The following BANK1 variants were observed in gnomAD, a reference collection of about 807,000 sequenced individuals.
BANK1 encodes the protein B-cell scaffold protein with ankyrin repeats.
A neutral mutation model predicts 94.5 loss-of-function variants in BANK1; 95 were observed. That is an observed-to-expected ratio of 1.00 (90% CI 0.85 to 1.19). The LOEUF (loss-of-function observed/expected upper bound fraction) is 1.19, where lower values mean the gene tolerates loss of function less well. Ranked by LOEUF, BANK1 falls within the 50% of genes most tolerant of loss-of-function variation. The pLI is 0.00. For missense variants in BANK1, 987 were observed against 932.2 expected (o/e 1.06, Z -0.77); for synonymous variants, 334 against 308.4 (o/e 1.08, Z -0.87).
intron 2 of BANK1, among the ~76,000 whole-genome samples, chr4:101,840,189 C>T (rs906821096): frequency 9.3e-5 from 14 of 150,614 alleles, no homozygotes; most frequent in Non-Finnish European, 1.9e-4. Flanking sequence ...GGGATGGTCT[C>T]GATCTCCTGA....
Position 101,855,155 on chromosome 4 carries a change from T to G in BANK1, c.590T>G (p.Leu197Arg). Reference protein sequence around the residue: ...LSEASRNTIPLAVVLPTEIPC... With the variant: ...LSEASRNTIPRAVVLPTEIPC... ...GAAGCTTCAAGAAACACCATACCAC[T>G]AGCAGTGGTGCTTCCCACTGAAATT... Residue 197 changes from leucine (L) to arginine (R), a missense_variant, in exon 3 of 17, where the codon CTA becomes CGA. Physicochemically the swap from Leu to Arg is moderately radical, Grantham distance 102. Transcript: ENST00000322953. The G allele has an allele frequency of 3.7e-6, 6 of 1,613,352 alleles. No individual in the cohort carries two copies. Among genetic ancestry groups the G allele is most frequent in the Non-Finnish European group, 8.5e-7 (1 of 1,179,506 alleles).
At chr4:101,829,148 C>T (rs1388652742) in intron 1 of BANK1, among the ~76,000 whole-genome samples, 5 of 152,136 alleles carry the variant, frequency 3.3e-5, no homozygotes, top group African/African-American at 1.2e-4. Context: ...AGGTGTGAGC[C>T]ACCGCGCCGG....
chr4:102,069,755 T>C (rs1728697987), intron 13 of BANK1, among the ~76,000 whole-genome samples: 1 of 152,206 alleles, frequency 6.6e-6, no homozygotes, highest in African/African-American at 2.4e-5. Context: ...CTGTGATATA[T>C]TTATACTATG....
intron 3 of BANK1, 43 bp downstream of exon 3, chr4:101,855,232 A>ATGGTGGTGG (rs755573259): frequency 6.4e-7 from 1 of 1,565,740 alleles, no homozygotes; most frequent in Non-Finnish European, 8.7e-7. Flanking sequence ...CCATTGTGTT[A>ATGGTGGTGG]TGGTGGTGGT....
At chr4:101,795,604 G>A (rs1266029812) in intron 1 of BANK1, among the ~76,000 whole-genome samples, 1 of 152,086 alleles carries the variant, frequency 6.6e-6, no homozygotes, top group Non-Finnish European at 1.5e-5. Context: ...TGGGAGAGGA[G>A]TGTGTTTTTA....
At chr4:101,871,940 A>C (rs765566342) in intron 5 of BANK1, among the ~76,000 whole-genome samples, 86 of 152,170 alleles carry the variant, frequency 5.7e-4, no homozygotes, top group Non-Finnish European at 1.1e-3. Flanking sequence ...TAAATACACA[A>C]GTCATGATTT....
At chr4:101,852,499 T>TAC (rs1727524472) in intron 2 of BANK1, among the ~76,000 whole-genome samples, 1 of 113,410 alleles carries the variant, frequency 8.8e-6, no homozygotes, top group African/African-American at 3.4e-5. Flanking sequence ...TATATATATA[T>TAC]ATATACACAC....
At chr4:101,886,163 C>T (rs1179191586) in intron 5 of BANK1, among the ~76,000 whole-genome samples, 2 of 152,184 alleles carry the variant, frequency 1.3e-5, no homozygotes, top group Non-Finnish European at 2.9e-5. Context: ...AGACACATGG[C>T]TGCTCAATAA....
At chr4:102,033,614 T>C (rs934194717) in intron 10 of BANK1, among the ~76,000 whole-genome samples, 1 of 152,230 alleles carries the variant, frequency 6.6e-6, no homozygotes, top group Non-Finnish European at 1.5e-5. Context: ...CAGTTTCTAA[T>C]AAATTTTAAA....
chr4:101,881,064 G>A (rs957050211), intron 5 of BANK1, among the ~76,000 whole-genome samples: 23 of 151,816 alleles, frequency 1.5e-4, no homozygotes, highest in African/African-American at 4.6e-4. Context: ...AAGCAAAAAC[G>A]GACAAATATG....
At chr4:101,951,600 C>T (rs1347275980) in intron 7 of BANK1, among the ~76,000 whole-genome samples, 1 of 151,958 alleles carries the variant, frequency 6.6e-6, no homozygotes, top group Non-Finnish European at 1.5e-5. Flanking sequence ...GTAAGAAAAA[C>T]AAATCCTTAG....
chr4:101,843,733 G>A (rs1358990682), intron 2 of BANK1, among the ~76,000 whole-genome samples: 1 of 152,052 alleles, frequency 6.6e-6, no homozygotes, highest in Non-Finnish European at 1.5e-5. Flanking sequence ...TGGCCAACAA[G>A]GTGAAACCCC....
intron 7 of BANK1, among the ~76,000 whole-genome samples, chr4:101,994,996 C>T (rs780337992): frequency 1.4e-4 from 22 of 152,112 alleles, no homozygotes; most frequent in Non-Finnish European, 2.4e-4. Flanking sequence ...ATGTGCAGAA[C>T]GTGCCAGTTT....
chr4:101,954,513 C>T (rs1724274948), intron 7 of BANK1, among the ~76,000 whole-genome samples: 2 of 151,956 alleles, frequency 1.3e-5, no homozygotes, highest in South Asian at 2.1e-4. Context: ...CCCATGGTAC[C>T]AGAACTCTCT....
rs1433843909 is a variant in BANK1 at position 102,074,737 on chromosome 4, C to A, written c.*738C>A. The stretch of plus-strand genomic sequence containing the variant: ...CCACAAATAAATTGAATGTTTAAAG[C>A]TATGTCTGAGTTTTTAAAGTAAATT... On this transcript the variant is annotated 3_prime_UTR_variant, in exon 17 of 17. Transcript: ENST00000322953. 6.7e-6 allele frequency: 1 copy of A among 148,766 alleles called. No individual in the cohort carries two copies. The highest frequency in any genetic ancestry group is 1.5e-5 in the Non-Finnish European group (1 of 66,676). The allele number at this position is 148,766 out of a possible 1,614,324, so 9.2% of individuals were successfully genotyped here.
chr4:102,021,682 A>G, intron 8 of BANK1, 90 bp downstream of exon 8: 4 of 494,392 alleles, frequency 8.1e-6, no homozygotes, highest in Non-Finnish European at 1.3e-5. Context: ...CTGAAAAAGC[A>G]AGACTGAAGA....
chr4:102,031,713 T>C (rs1175322379), intron 10 of BANK1, among the ~76,000 whole-genome samples: 1 of 152,134 alleles, frequency 6.6e-6, no homozygotes, highest in Non-Finnish European at 1.5e-5. Flanking sequence ...CTCCTATAAA[T>C]AATATGCAAC....
rs1324820144 is a variant in BANK1, at chr4:101,918,118, G to T, written c.1135G>T (p.Gly379Cys). 5 of 1,611,536 alleles carry T rather than the reference G, an allele frequency of 3.1e-6. No homozygotes were observed. The African/African-American group carries it at 5.4e-5, about 17-fold the overall frequency. Reference protein sequence around the residue: ...TWASKMKNMEGSDPAHIAERH... With the variant: ...TWASKMKNMECSDPAHIAERH... ...GGCATCTAAGATGAAAAATATGGAGGGTTCAGACCCCGCACATATTGCTGA... is the reference window on the plus strand; with the variant it reads ...GGCATCTAAGATGAAAAATATGGAGTGTTCAGACCCCGCACATATTGCTGA... The change falls in exon 7 of 17, where the codon GGT (glycine) becomes TGT (cysteine). Residue 379 changes from glycine to cysteine, a missense_variant. Transcript: ENST00000322953.
In BANK1 at chr4:101,966,281, A is replaced by C. The variant is rs574002546; in HGVS notation, c.1206+48092A>C. On this transcript the variant is annotated intron_variant, in intron 7 of 16. Coordinates refer to ENST00000322953, the MANE Select transcript of BANK1 (RefSeq NM_017935.5). ...CAAAATAGAGGACAAGATTTAGGGA[A>C]GCTTTTAAAAAATACCTGATTTTGG... Among the ~76,000 whole-genome samples, 14 of 152,116 alleles carry C rather than the reference A, an allele frequency of 9.2e-5. No individual in the cohort carries two copies. In the South Asian group the frequency reaches 2.9e-3, roughly 32 times the overall value.
Sources: allele counts gnomAD v4.1 joint callset (sites outside exome capture counted in the v4.1 genomes callset), GRCh38; gene constraint gnomAD v4.1.1; transcripts MANE v1.5; gene names NCBI Gene and HGNC (gene_info 2026-07-23, HGNC 2026-07-21).